Variants in ADAMTSL3 observed in about 807,000 individuals in gnomAD.
ADAMTSL3 encodes ADAMTS-like protein 3.
Under a neutral mutation model 201.7 loss-of-function variants are expected in ADAMTSL3, and 128 were observed. That is an observed-to-expected ratio of 0.63 (90% CI 0.55 to 0.73). The LOEUF (loss-of-function observed/expected upper bound fraction) is 0.73, where lower values mean the gene tolerates loss of function less well. Among genes scored for constraint, ADAMTSL3 ranks in the 30% least tolerant of loss-of-function variants. The pLI is 0.00. For missense variants in ADAMTSL3, 1,990 were observed against 2,119.6 expected, an observed-to-expected ratio of 0.94 and a Z score of 1.20; for synonymous variants, 738 against 748.4, an observed-to-expected ratio of 0.99 and a Z score of 0.23.
chr15:83,892,045 T>C (rs567114553), intron 12 of ADAMTSL3, among the ~76,000 whole-genome samples: 1 of 151,440 alleles, frequency 6.6e-6, no homozygotes, highest in East Asian at 2.0e-4. Flanking sequence ...CGAAACCCCA[T>C]CTCTACTAAA....
At chr15:83,854,694 G>A (rs1427284774) in intron 7 of ADAMTSL3, among the ~76,000 whole-genome samples, 1 of 152,024 alleles carries the variant, frequency 6.6e-6, no homozygotes, top group East Asian at 1.9e-4. Context: ...AGTTGCAAAC[G>A]GTTATTTTCT....
At chr15:83,738,812 C>T (rs1256683532) in intron 3 of ADAMTSL3, among the ~76,000 whole-genome samples, 1 of 152,052 alleles carries the variant, frequency 6.6e-6, no homozygotes, top group African/African-American at 2.4e-5. Flanking sequence ...AAGAGAATCT[C>T]TTGAACCCAG....
chr15:83,912,787 T>C (rs1421702272), intron 15 of ADAMTSL3, among the ~76,000 whole-genome samples: 1 of 152,232 alleles, frequency 6.6e-6, no homozygotes, highest in Non-Finnish European at 1.5e-5. Flanking sequence ...TGATGGTTTA[T>C]TTATTACTAA....
intron 9 of ADAMTSL3, among the ~76,000 whole-genome samples, chr15:83,875,298 G>A (rs117625881): frequency 8.0e-4 from 122 of 152,318 alleles, no homozygotes; most frequent in Middle Eastern, 3.4e-3. Flanking sequence ...ATTCATCATA[G>A]GACTCCAGTG....
intron 14 of ADAMTSL3, among the ~76,000 whole-genome samples, chr15:83,898,458 G>T (rs1213795615): frequency 6.6e-6 from 1 of 152,108 alleles, no homozygotes; most frequent in African/African-American, 2.4e-5. Flanking sequence ...CTACCTCTCC[G>T]CTGGAGTATA....
intron 4 of ADAMTSL3, among the ~76,000 whole-genome samples, chr15:83,784,877 T>C (rs2063235301): frequency 6.6e-6 from 1 of 152,194 alleles, no homozygotes; most frequent in African/African-American, 2.4e-5. Context: ...TTTTTTTCTT[T>C]ATATCTTTTC....
At chr15:83,719,094 T>G (rs1378920605) in intron 3 of ADAMTSL3, among the ~76,000 whole-genome samples, 2 of 152,190 alleles carry the variant, frequency 1.3e-5, no homozygotes, top group Non-Finnish European at 2.9e-5. Context: ...AGTGTACATC[T>G]CTTGATGGAA....
chr15:84,016,281 T>C, intron 24 of ADAMTSL3, 102 bp from the exon 25 acceptor site: 1 of 827,596 alleles, frequency 1.2e-6, no homozygotes, highest in Non-Finnish European at 2.0e-6. Context: ...AGTATTATTA[T>C]AGAGGACTCA....
chr15:83,670,976 G>C (rs574338293), intron 2 of ADAMTSL3, among the ~76,000 whole-genome samples: 347 of 152,316 alleles, frequency 2.3e-3, no homozygotes, highest in Admixed American at 8.0e-3. Context: ...AGGAAACATA[G>C]TAATAGGTTT....
At chr15:84,003,026 T>C (rs532871755) in intron 23 of ADAMTSL3, among the ~76,000 whole-genome samples, 1 of 143,154 alleles carries the variant, frequency 7.0e-6, no homozygotes, top group East Asian at 2.3e-4. Context: ...GGCATGATCA[T>C]AGCTCACTGC....
Position 83,662,777 on chromosome 15 carries a change from C to G in ADAMTSL3, c.69+6947C>G, listed in dbSNP as rs1277176536. ...GGTGGGCACTGGTTCTGAGATACTT[C>G]TTCCTTTTATTTCTTCTGGATCTAG... On this transcript the variant is annotated intron_variant, in intron 2 of 29. Transcript: ENST00000286744. Among the ~76,000 whole-genome samples the G allele has an allele frequency of 2.6e-5, 4 of 152,176 alleles. No homozygotes were observed. The East Asian group carries it at 7.8e-4, about 29-fold the overall frequency.
At chr15:83,658,548 A>G (rs2061122592) in intron 2 of ADAMTSL3, among the ~76,000 whole-genome samples, 1 of 152,208 alleles carries the variant, frequency 6.6e-6, no homozygotes, top group African/African-American at 2.4e-5. Context: ...CCATTCCTCG[A>G]GGAGCTCACT....
At chr15:83,723,734 C>A (rs2141582724) in intron 3 of ADAMTSL3, among the ~76,000 whole-genome samples, 1 of 152,144 alleles carries the variant, frequency 6.6e-6, no homozygotes, top group East Asian at 1.9e-4. Flanking sequence ...GAAAGAGAAA[C>A]CTCATGAAAA....
intron 10 of ADAMTSL3, among the ~76,000 whole-genome samples, chr15:83,888,235 A>G (rs548055146): frequency 5.9e-5 from 9 of 152,362 alleles, no homozygotes; most frequent in South Asian, 4.1e-4. Flanking sequence ...CAGAATTTCA[A>G]TACATTTGTT....
rs200501258 is a variant in ADAMTSL3, at chr15:83,907,114, AAAG to A, written c.1701-5976_1701-5974del. Among the ~76,000 whole-genome samples the A allele has an allele frequency of 3.5e-3, 458 of 131,956 alleles. 4 individuals are homozygous for A. Among genetic ancestry groups the A allele is most frequent in the East Asian group, 0.028 (120 of 4,344 alleles). The allele number at this position is 131,956 out of a possible 152,430, so 86.6% of individuals were successfully genotyped here. On this transcript the variant is annotated intron_variant, in intron 15 of 29. Coordinates refer to ENST00000286744, the MANE Select transcript of ADAMTSL3 (RefSeq NM_207517.3). The stretch of plus-strand genomic sequence containing the variant: ...GTCTCTGGGAAAAAAAAAAAAAAAA[AAAG>A]AGAGAGTCTATTTTTAAAAGGAAAG...
At chr15:83,720,024 A>G (rs762103042) in intron 3 of ADAMTSL3, among the ~76,000 whole-genome samples, 1 of 152,172 alleles carries the variant, frequency 6.6e-6, no homozygotes, top group Non-Finnish European at 1.5e-5. Flanking sequence ...GCTTGAGACC[A>G]GACTGACCAA....
chr15:83,888,677 G>A (rs986709233), intron 10 of ADAMTSL3, among the ~76,000 whole-genome samples: 1 of 152,150 alleles, frequency 6.6e-6, no homozygotes, highest in Non-Finnish European at 1.5e-5. Flanking sequence ...ATTTGGAGAA[G>A]GTACCTAGAT....
At chr15:83,692,107 T>C (rs1287389107) in intron 2 of ADAMTSL3, among the ~76,000 whole-genome samples, 1 of 151,956 alleles carries the variant, frequency 6.6e-6, no homozygotes, top group African/African-American at 2.4e-5. Context: ...CCTTCTTCTT[T>C]TTTTTTTCTT....
At chr15:83,714,807 C>CTTTCTTTCTTTT (rs1555433231) in intron 3 of ADAMTSL3, among the ~76,000 whole-genome samples, 2 of 71,032 alleles carry the variant, frequency 2.8e-5, no homozygotes, top group Non-Finnish European at 6.3e-5. Context: ...CTCTTTCTTT[C>CTTTCTTTCTTTT]TTCTTTCTTT....
Sources: allele counts gnomAD v4.1 joint callset (sites outside exome capture counted in the v4.1 genomes callset), GRCh38; gene constraint gnomAD v4.1.1; transcripts MANE v1.5; gene names NCBI Gene and HGNC (gene_info 2026-07-23, HGNC 2026-07-21).